LHFPL6: variants seen among roughly 807,000 people sequenced by gnomAD.
The protein encoded by LHFPL6 is LHFPL tetraspan subfamily member 6.
A neutral mutation model predicts 20.6 loss-of-function variants in LHFPL6; 9 were observed. The ratio of observed to expected loss-of-function variants is 0.44; its 90% CI spans 0.26 to 0.76. The LOEUF (loss-of-function observed/expected upper bound fraction) is 0.76. LHFPL6 is among the 30% of genes least tolerant of loss of function. The pLI is 0.20. For missense variants in LHFPL6, 218 were observed against 253.5 expected (o/e 0.86, Z 0.95); for synonymous variants, 105 against 98.7 (o/e 1.06, Z -0.38).
chr13:39,351,478 G>T lies in LHFPL6; in HGVS notation c.485-7424C>A, dbSNP rs1047643233. ...GTATAAAAAAAGATCTTAATCAAATGCATTTTTCTCATTTGTTAAATAGTA... is the reference window on the plus strand; with the variant it reads ...GTATAAAAAAAGATCTTAATCAAATTCATTTTTCTCATTTGTTAAATAGTA... On this transcript the variant is annotated intron_variant, in intron 3 of 3. Coordinates refer to ENST00000379589, the MANE Select transcript of LHFPL6 (RefSeq NM_005780.3). Among the ~76,000 whole-genome samples, 234 of 151,398 alleles carry T rather than the reference G, an allele frequency of 1.5e-3. 1 individual carries two copies. The highest frequency in any genetic ancestry group is 5.4e-3 in the African/African-American group (220 of 40,768).
intron 2 of LHFPL6, among the ~76,000 whole-genome samples, chr13:39,402,495 G>A (rs1871018479): frequency 6.6e-6 from 1 of 152,150 alleles, no homozygotes; most frequent in African/African-American, 2.4e-5. Context: ...CTCCCACAGT[G>A]GTAGGATTAT....
intron 2 of LHFPL6, among the ~76,000 whole-genome samples, chr13:39,594,074 A>G (rs1365003412): frequency 6.6e-6 from 1 of 152,254 alleles, no homozygotes; most frequent in African/African-American, 2.4e-5. Flanking sequence ...TTCATGTCTA[A>G]AACACCAAAA....
At chr13:39,556,050 C>T (rs1427917916) in intron 2 of LHFPL6, among the ~76,000 whole-genome samples, 2 of 152,180 alleles carry the variant, frequency 1.3e-5, no homozygotes, top group Non-Finnish European at 2.9e-5. Flanking sequence ...TCCCCCTTTG[C>T]CTTCCACCAA....
chr13:39,400,030 T>C (rs1183081), intron 2 of LHFPL6, among the ~76,000 whole-genome samples: 175 of 152,154 alleles, frequency 1.2e-3, no homozygotes, highest in African/African-American at 4.2e-3. Flanking sequence ...GAGGTGGAGA[T>C]TGCGGTGAGC....
intron 2 of LHFPL6, among the ~76,000 whole-genome samples, chr13:39,530,392 G>C (rs181289745): frequency 2.6e-5 from 4 of 152,126 alleles, no homozygotes; most frequent in Non-Finnish European, 2.9e-5. Context: ...AGGTATGAGC[G>C]GGGGCAAACT....
In LHFPL6 at chr13:39,380,592, C is replaced by T. The variant is rs549013910; in HGVS notation, c.386-2066G>A. On this transcript the variant is annotated intron_variant, in intron 2 of 3. Transcript: ENST00000379589. ...GTGGTGCAATCTAAGCTCACTGCAA[C>T]CTCTGCCTCCCCATCTCTGCCTCCT... Among the ~76,000 whole-genome samples, 7 of 150,296 alleles carry T rather than the reference C, an allele frequency of 4.7e-5. No individual in the cohort carries two copies. The South Asian group carries it at 1.5e-3, about 32-fold the overall frequency.
At chr13:39,362,102 T>C (rs1367087373) in intron 3 of LHFPL6, among the ~76,000 whole-genome samples, 2 of 152,264 alleles carry the variant, frequency 1.3e-5, no homozygotes, top group Non-Finnish European at 2.9e-5. Context: ...CTATGTGACA[T>C]GGTTTGGATT....
rs531184722 is a variant in LHFPL6 at position 39,595,073 on chromosome 13, A to T, written c.385+5759T>A. ...CATGGCACATGTATACATAGGTAAC[A>T]AACCTGCACGTTGTGCACATGTACC... On this transcript the variant is annotated intron_variant, in intron 2 of 3. Coordinates refer to ENST00000379589, the MANE Select transcript of LHFPL6 (RefSeq NM_005780.3). Among the ~76,000 whole-genome samples the T allele has an allele frequency of 4.1e-4, 63 of 152,258 alleles. 2 individuals are homozygous for T. In the South Asian group the frequency reaches 0.013, roughly 32 times the overall value.
intron 3 of LHFPL6, among the ~76,000 whole-genome samples, chr13:39,369,615 CT>C (rs1257923096): frequency 4.1e-5 from 6 of 145,076 alleles, no homozygotes; most frequent in African/African-American, 1.0e-4. Flanking sequence ...CTCTCCCTCC[CT>C]TCCTTCCCCC....
At chr13:39,404,819 T>C (rs1331574344) in intron 2 of LHFPL6, among the ~76,000 whole-genome samples, 1 of 152,176 alleles carries the variant, frequency 6.6e-6, no homozygotes, top group African/African-American at 2.4e-5. Flanking sequence ...CCTAGACTGT[T>C]TTATTATCAC....
chr13:39,495,491 A>G (rs1281691024), intron 2 of LHFPL6, among the ~76,000 whole-genome samples: 1 of 152,190 alleles, frequency 6.6e-6, no homozygotes, highest in Non-Finnish European at 1.5e-5. Context: ...ATAGGCATCA[A>G]AAGAAATCAT....
At chr13:39,351,040 A>G (rs1869556965) in intron 3 of LHFPL6, among the ~76,000 whole-genome samples, 1 of 152,164 alleles carries the variant, frequency 6.6e-6, no homozygotes, top group African/African-American at 2.4e-5. Flanking sequence ...CCTTTTCATT[A>G]ATTTGTTCAA....
chr13:39,501,459 G>C (rs1593338131), intron 2 of LHFPL6, among the ~76,000 whole-genome samples: 1 of 152,170 alleles, frequency 6.6e-6, no homozygotes, highest in East Asian at 1.9e-4. Flanking sequence ...AATGTTTAGA[G>C]AGTCTGTGCT....
chr13:39,368,013 T>C (rs1029234685), intron 3 of LHFPL6, among the ~76,000 whole-genome samples: 7 of 152,148 alleles, frequency 4.6e-5, no homozygotes, highest in Admixed American at 6.5e-5. Flanking sequence ...CCAGAACATA[T>C]AAACATCAAT....
intron 2 of LHFPL6, among the ~76,000 whole-genome samples, chr13:39,417,153 G>A (rs971338133): frequency 3.3e-5 from 5 of 152,074 alleles, no homozygotes; most frequent in African/African-American, 9.7e-5. Flanking sequence ...CTCTTCTTTG[G>A]AATCATCCTG....
rs1485050601 is a variant in LHFPL6 at position 39,603,161 on chromosome 13, G to A, written c.-453C>T. 1 of 152,326 alleles carries A rather than the reference G, an allele frequency of 6.6e-6. No individual in the cohort carries two copies. The highest frequency in any genetic ancestry group is 1.5e-5 in the Non-Finnish European group (1 of 68,160). 9.4% of individuals were successfully genotyped at this position (152,326 alleles called of 1,614,324 possible). ...AGCGCTGTGGGCGCGCGCGGGCGCC[G>A]GGGATCGCACGCAGAGGAGCGGATC... On this transcript the variant is annotated 5_prime_UTR_variant, in exon 1 of 4. Transcript: ENST00000379589.
chr13:39,569,438 T>C (rs1871842947), intron 2 of LHFPL6, among the ~76,000 whole-genome samples: 1 of 152,188 alleles, frequency 6.6e-6, no homozygotes, highest in Non-Finnish European at 1.5e-5. Flanking sequence ...GAGAAAATGT[T>C]AGTTTTTGGA....
At chr13:39,453,290 C>T (rs1041274196) in intron 2 of LHFPL6, among the ~76,000 whole-genome samples, 5 of 152,226 alleles carry the variant, frequency 3.3e-5, no homozygotes, top group Middle Eastern at 3.4e-3. Context: ...ATTGAATTTA[C>T]ATTAGAGCAA....
intron 2 of LHFPL6, among the ~76,000 whole-genome samples, chr13:39,454,035 T>C (rs1303053120): frequency 3.3e-5 from 5 of 152,132 alleles, no homozygotes; most frequent in Non-Finnish European, 5.9e-5. Flanking sequence ...GATTTCAGAA[T>C]TATTGATTGT....
Sources: gnomAD v4.1 joint callset for allele counts (sites outside exome capture counted in the v4.1 genomes callset) on GRCh38, gnomAD v4.1.1 for gene constraint, MANE v1.5 for transcripts, NCBI Gene and HGNC (gene_info 2026-07-23, HGNC 2026-07-21) for gene names.